SLC44A4: variants seen among roughly 807,000 people sequenced by gnomAD.
SLC44A4 encodes the protein choline transporter-like protein 4.
A neutral mutation model predicts 97.0 loss-of-function variants in SLC44A4; 74 were observed. The ratio of observed to expected loss-of-function variants is 0.76; its 90% CI spans 0.63 to 0.93. SLC44A4 has a LOEUF of 0.93. Among genes scored for constraint, SLC44A4 ranks in the 40% least tolerant of loss-of-function variants. The pLI is 0.00. For missense variants in SLC44A4, 799 were observed against 902.9 expected, an observed-to-expected ratio of 0.88 and a Z score of 1.48; for synonymous variants, 325 against 363.8, an observed-to-expected ratio of 0.89 and a Z score of 1.21.
chr6:31,878,844 C>T lies in SLC44A4; in HGVS notation c.40+97G>A, dbSNP rs1763607885. The T allele has an allele frequency of 7.2e-7, 1 of 1,384,624 alleles. No homozygotes were observed. The highest frequency in any genetic ancestry group is 1.4e-5 in the African/African-American group (1 of 70,414). 85.8% of individuals were successfully genotyped at this position (1,384,624 alleles called of 1,614,324 possible). On this transcript the variant is annotated intron_variant, in intron 1 of 20. Coordinates refer to ENST00000229729, the MANE Select transcript of SLC44A4 (RefSeq NM_025257.3). This position sits in a 1 kb window ranked among gnomAD's most constrained non-coding sequence, Gnocchi z 4.0. ...CCTCCCCTCAGGGACACAGTACTCT[C>T]CTTAGTTCCTCTCCCTGGAGCCAGC...
chr6:31,871,807 C>T (rs547719909), intron 7 of SLC44A4, among the ~76,000 whole-genome samples: 1 of 152,072 alleles, frequency 6.6e-6, no homozygotes. Context: ...CTTAGAACAC[C>T]CTGTCACCCT....
At position 31,872,384 on chromosome 6, in the gene SLC44A4, C is replaced by T. The variant is rs564922377; in HGVS notation, c.530-823G>A. On this transcript the variant is annotated intron_variant, in intron 7 of 20. Coordinates refer to ENST00000229729, the MANE Select transcript of SLC44A4 (RefSeq NM_025257.3). ...CCAAGCAACTGGGACTATAGATGTG[C>T]ACCACCACACTTGGCTAATTTTTAA... 5.3e-5 allele frequency among the ~76,000 whole-genome samples: 8 copies of T among 152,144 alleles called. No individual in the cohort carries two copies. In the South Asian group the frequency reaches 1.7e-3, roughly 32 times the overall value.
In SLC44A4 at chr6:31,864,851, T is replaced by C; in HGVS notation, c.1891A>G (p.Ser631Gly). ...RIPGLGKDFKSPHLNYYWLPI... is the reference protein window; with the variant it reads ...RIPGLGKDFKGPHLNYYWLPI... ...AGCCAGTAATAGTTGAGGTGGGGGC[T>C]CTTAAAGTCTTTACCCAGCCCCGGG... The change falls in exon 19 of 21, where the codon AGC becomes GGC. Residue 631 changes from serine to glycine, a missense_variant. Around this residue, in one of 3 missense-constraint regions of SLC44A4, gnomAD observed 379 missense variants for 438.3 expected, o/e 0.86. Coordinates refer to ENST00000229729, the MANE Select transcript of SLC44A4 (RefSeq NM_025257.3). 2 of 1,613,810 alleles carry C rather than the reference T, an allele frequency of 1.2e-6. No homozygotes were observed. Among genetic ancestry groups the C allele is most frequent in the Non-Finnish European group, 1.7e-6 (2 of 1,179,944 alleles).
intron 13 of SLC44A4, among the ~76,000 whole-genome samples, chr6:31,868,118 A>C (rs1227360696): frequency 1.3e-5 from 2 of 152,054 alleles, no homozygotes; most frequent in Non-Finnish European, 2.9e-5. Context: ...CGCCTGCCAA[A>C]CCTCCCCTTT....
chr6:31,871,292 G>A (rs1255076427), intron 9 of SLC44A4, 22 bp downstream of exon 9: 1 of 1,604,522 alleles, frequency 6.2e-7, no homozygotes, highest in Non-Finnish European at 8.5e-7. Context: ...GGACACAAGA[G>A]GAGGGGAATC....
chr6:31,864,960 C>T (rs768762716), intron 18 of SLC44A4, 50 bp from the exon 19 acceptor site: 1 of 1,613,528 alleles, frequency 6.2e-7, no homozygotes, highest in Non-Finnish European at 8.5e-7. Context: ...GCCACCTCTT[C>T]AGCTGCCCAG....
intron 13 of SLC44A4, among the ~76,000 whole-genome samples, chr6:31,868,639 G>A (rs1389357195): frequency 1.3e-5 from 2 of 152,056 alleles, no homozygotes; most frequent in Non-Finnish European, 2.9e-5. Flanking sequence ...TCTACAAAAA[G>A]CTTAAAATTA....
rs1457533924 is a variant in SLC44A4 at position 31,877,682 on chromosome 6, C to T, written c.41-600G>A. ...TGGTGGGACCTCAGTCCCCTGGCCA[C>T]AGTGTGCTCCGGGCTCTGGGCCAGC... On this transcript the variant is annotated intron_variant, in intron 1 of 20. Transcript: ENST00000229729. This position sits in a 1 kb window ranked among gnomAD's most constrained non-coding sequence, Gnocchi z 6.5. 3 of 968,760 alleles carry T rather than the reference C, an allele frequency of 3.1e-6. No individual in the cohort carries two copies. Among genetic ancestry groups the T allele is most frequent in the East Asian group, 1.1e-4 (1 of 8,742 alleles). 60.0% of individuals were successfully genotyped at this position (968,760 alleles called of 1,614,324 possible). A position where few individuals can be genotyped will look rare whatever the true frequency, so the allele number is the denominator to read the frequency against.
At chr6:31,872,909 T>TCG (rs1280491602) in intron 7 of SLC44A4, among the ~76,000 whole-genome samples, 4 of 145,840 alleles carry the variant, frequency 2.7e-5, no homozygotes, top group Non-Finnish European at 4.6e-5. Context: ...AGATGGAGTC[T>TCG]CACTGTTGCC....
In SLC44A4 at chr6:31,869,218, C is replaced by T; in HGVS notation, c.1170G>A (p.Trp390Ter). 2 of 1,610,534 alleles carry T rather than the reference C, an allele frequency of 1.2e-6. No individual in the cohort carries two copies. Among genetic ancestry groups the T allele is most frequent in the Non-Finnish European group, 1.7e-6 (2 of 1,178,910 alleles). The change falls in exon 13 of 21, where the codon TGG (tryptophan) becomes TGA (stop). Residue 390 changes from tryptophan to a stop codon, truncating the protein, a stop_gained. Coordinates refer to ENST00000229729, the MANE Select transcript of SLC44A4 (RefSeq NM_025257.3). LOFTEE classifies it high-confidence loss of function. ...ATSGQPQYVL[W>*]ASNISSPGCE... ...AGCCGGGGGAGCTGATGTTGGATGC[C>T]CAGAGCACATACTGGGGTTGCCCCG...
In SLC44A4 at chr6:31,864,811, C is replaced by T; in HGVS notation, c.1926+5G>A. The T allele has an allele frequency of 1.2e-6, 2 of 1,613,996 alleles. No homozygotes were observed. Among genetic ancestry groups the T allele is most frequent in the Non-Finnish European group, 1.7e-6 (2 of 1,179,974 alleles). ...GGTGGAGCAGCAGAGAGGGGAGTCA[C>T]TCACCATGATGGGCAGCCAGTAATA... On this transcript the variant is annotated splice_donor_5th_base_variant and intron_variant, in intron 19 of 20. Transcript: ENST00000229729.
Position 31,865,388 on chromosome 6 carries a change from T to C in SLC44A4, c.1687A>G (p.Ile563Val). The C allele has an allele frequency of 1.2e-6, 2 of 1,613,938 alleles. No individual in the cohort carries two copies. The highest frequency in any genetic ancestry group is 1.7e-6 in the Non-Finnish European group (2 of 1,180,004). The change falls in exon 17 of 21, where the codon ATC becomes GTC. Residue 563 changes from isoleucine to valine, a missense_variant and splice_region_variant. By Grantham distance (29) the Ile-to-Val change is conservative (BLOSUM62 3). This residue lies in a region of SLC44A4 where 379 missense variants were observed against 438.3 expected (regional missense o/e 0.86). Transcript: ENST00000229729. The surrounding 1 kb of genome is among the most constrained non-coding windows in gnomAD (Gnocchi z 5.2). ...CAGAAATTCTTCCCGTAGATGGCGA[T>C]CTGAGGGAGGTGGAAAGGTCAGAGT... ...KFLNRNAYIM[I>V]AIYGKNFCVS... is the part of the protein sequence containing the mutation.
intron 11 of SLC44A4, among the ~76,000 whole-genome samples, chr6:31,870,000 G>T (rs957106909): frequency 7.9e-5 from 12 of 151,984 alleles, no homozygotes; most frequent in Middle Eastern, 3.4e-3. Context: ...AAAAAAAAGG[G>T]GGGGGCTGAC....
rs138890221 is a variant in SLC44A4, at chr6:31,871,372, G to C, written c.643C>G (p.Arg215Gly). The stretch of plus-strand genomic sequence containing the variant: ...TCAAAGATCTTAACACTGATGTCTC[G>C]GGCATTGAGGCTGTCAATAAGACCG... ...ISGLIDSLNA[R>G]DISVKIFEDF... Residue 215 changes from arginine (R) to glycine (G), a missense_variant, in exon 9 of 21, where the codon CGA (arginine) becomes GGA (glycine). Physicochemically the swap from Arg to Gly is moderately radical, Grantham distance 125. This residue lies in a region of SLC44A4 where 409 missense variants were observed against 434.1 expected (regional missense o/e 0.94). Transcript: ENST00000229729. 40 of 1,614,052 alleles carry C rather than the reference G, an allele frequency of 2.5e-5. No homozygotes were observed. The African/African-American group carries it at 5.1e-4, about 20-fold the overall frequency.
rs953389817 is a variant in SLC44A4 at position 31,877,904 on chromosome 6, C to CT, written c.41-823dup. ...CCACTTTCCCCAGGTGCGCTGGACT[C>CT]TGTCCCTCCATGGCTCATGGACAAT... On this transcript the variant is annotated intron_variant, in intron 1 of 20. Coordinates refer to ENST00000229729, the MANE Select transcript of SLC44A4 (RefSeq NM_025257.3). The surrounding 1 kb of genome is among the most constrained non-coding windows in gnomAD (Gnocchi z 6.5). 2.0e-5 allele frequency: 3 copies of CT among 152,340 alleles called. No individual in the cohort carries two copies. Among genetic ancestry groups the CT allele is most frequent in the African/African-American group, 7.3e-5 (3 of 41,374 alleles). 9.4% of individuals were successfully genotyped at this position (152,340 alleles called of 1,614,324 possible).
chr6:31,870,209 G>A (rs766686640), intron 11 of SLC44A4, among the ~76,000 whole-genome samples: 1 of 152,124 alleles, frequency 6.6e-6, no homozygotes. Flanking sequence ...AGCCACCTGG[G>A]GCAGCTTCGG....
rs753584117 is a variant in SLC44A4 at position 31,866,138 on chromosome 6, G to A, written c.1234-12C>T. ...TTCACAAGGTGGGCCTGGGAGGGTA[G>A]ACGGGGATAGAGTAGGCTCAGGCAT... On this transcript the variant is annotated splice_polypyrimidine_tract_variant and intron_variant, in intron 13 of 20. Coordinates refer to ENST00000229729, the MANE Select transcript of SLC44A4 (RefSeq NM_025257.3). 6.2e-7 allele frequency: 1 copy of A among 1,613,378 alleles called. No individual in the cohort carries two copies. Among genetic ancestry groups the A allele is most frequent in the South Asian group, 1.1e-5 (1 of 91,054 alleles).
chr6:31,874,743 A>G lies in SLC44A4; in HGVS notation c.446T>C (p.Leu149Pro), dbSNP rs147505043. The G allele has an allele frequency of 1.1e-5, 17 of 1,613,090 alleles. No homozygotes were observed. In the Middle Eastern group the frequency reaches 1.3e-3, roughly 125 times the overall value. ...CACCATATTCCAGGGTACCCCTGGC[A>G]GACAAAAGTTCCTGTTTTTTGTATA... ...VFYTKNRNFC[L>P]PGVPWNMTVI... Residue 149 changes from leucine to proline, a missense_variant, in exon 6 of 21, where the codon CTG (leucine) becomes CCG (proline). Transcript: ENST00000229729. The surrounding 1 kb of genome is among the most constrained non-coding windows in gnomAD (Gnocchi z 4.8).
chr6:31,869,054 T>C lies in SLC44A4; in HGVS notation c.1233+101A>G, dbSNP rs140496433. The C allele has an allele frequency of 1.4e-4, 131 of 968,448 alleles. 1 individual carries two copies. In the African/African-American group the frequency reaches 1.7e-3, roughly 12 times the overall value. 60.0% of individuals were successfully genotyped at this position (968,448 alleles called of 1,614,324 possible). On this transcript the variant is annotated intron_variant, in intron 13 of 20. Coordinates refer to ENST00000229729, the MANE Select transcript of SLC44A4 (RefSeq NM_025257.3). Reference sequence around the variant, plus strand: ...AGTGTGTGACCTTGCACAAGTTTCTTGCCCTCTGTGGCCTCAGTCTTCTCT... The same window carrying C: ...AGTGTGTGACCTTGCACAAGTTTCTCGCCCTCTGTGGCCTCAGTCTTCTCT...
Sources: allele counts gnomAD v4.1 joint callset (sites outside exome capture counted in the v4.1 genomes callset), GRCh38; gene constraint gnomAD v4.1.1; regional missense constraint gnomAD v4.1.1; non-coding constraint Gnocchi (gnomAD v3.1); transcripts MANE v1.5; gene names NCBI Gene and HGNC (gene_info 2026-07-23, HGNC 2026-07-21).